Variants in TAOK3 observed in about 807,000 individuals in gnomAD.
TAOK3 encodes the protein TAO kinase 3, also known as serine/threonine-protein kinase TAO3.
TAOK3 carries 40 observed loss-of-function variants against 120.4 expected under a neutral mutation model. The observed-to-expected ratio is 0.33, with a 90% CI of 0.26 to 0.43. The LOEUF (loss-of-function observed/expected upper bound fraction) is 0.43. TAOK3 is among the 20% of genes least tolerant of loss of function. The pLI is 1.00. For missense variants in TAOK3, 821 were observed against 1,112.1 expected (o/e 0.74, Z 3.72); for synonymous variants, 355 against 387.5 (o/e 0.92, Z 0.99).
At chr12:118,292,156 T>C (rs2042509691) in intron 1 of TAOK3, among the ~76,000 whole-genome samples, 1 of 152,204 alleles carries the variant, frequency 6.6e-6, no homozygotes, top group South Asian at 2.1e-4. Flanking sequence ...TCCCCGTGGA[T>C]AGTCATAATA....
At position 118,318,461 on chromosome 12, in the gene TAOK3, T is replaced by C. The variant is rs976484825; in HGVS notation, c.-193-51702A>G. ...GTGAGCCGCTGCGCCTGGCCACAACTCTTAAATATAGGGACAAATCTGCAT... is the reference window on the plus strand; with the variant it reads ...GTGAGCCGCTGCGCCTGGCCACAACCCTTAAATATAGGGACAAATCTGCAT... On this transcript the variant is annotated intron_variant, in intron 1 of 20. Coordinates refer to ENST00000392533, the MANE Select transcript of TAOK3 (RefSeq NM_016281.4). Among the ~76,000 whole-genome samples the C allele has an allele frequency of 6.8e-4, 104 of 152,280 alleles. 1 individual carries two copies. Among genetic ancestry groups the C allele is most frequent in the Non-Finnish European group, 1.2e-3 (82 of 68,012 alleles).
chr12:118,207,227 G>A (rs61945177), intron 11 of TAOK3, among the ~76,000 whole-genome samples: 15,226 of 151,458 alleles, frequency 0.1, 975 homozygotes, highest in Middle Eastern at 0.15. Context: ...TAGGGAGGGC[G>A]AGGCAGGAGA....
At chr12:118,291,487 T>C (rs537233027) in intron 1 of TAOK3, among the ~76,000 whole-genome samples, 80 of 152,222 alleles carry the variant, frequency 5.3e-4, no homozygotes, top group South Asian at 3.5e-3. Flanking sequence ...AAAGGAATTA[T>C]AGTAAATGTT....
rs113477587 is a variant in TAOK3 at position 118,162,604 on chromosome 12, C to T, written c.1900-577G>A. 6.9e-3 allele frequency among the ~76,000 whole-genome samples: 1,056 copies of T among 152,054 alleles called. 8 individuals are homozygous for T. The highest frequency in any genetic ancestry group is 0.024 in the African/African-American group (983 of 41,466). On this transcript the variant is annotated intron_variant, in intron 17 of 20. Transcript: ENST00000392533. ...CTTTCTGGGAAATACTCTGTTTTTGCATGAATCAGAGGTAGGCCAATTGTC... is the reference window on the plus strand; with the variant it reads ...CTTTCTGGGAAATACTCTGTTTTTGTATGAATCAGAGGTAGGCCAATTGTC...
chr12:118,372,893 C>G lies in TAOK3; in HGVS notation c.-439G>C, dbSNP rs898234452. The G allele has an allele frequency of 3.9e-5, 6 of 154,420 alleles. No homozygotes were observed. Among genetic ancestry groups the G allele is most frequent in the Non-Finnish European group, 8.6e-5 (6 of 69,666 alleles). The allele number at this position is 154,420 out of a possible 1,614,324, so 9.6% of individuals were successfully genotyped here. A position where few individuals can be genotyped will look rare whatever the true frequency, so the allele number is the denominator to read the frequency against. ...CGCGGCCGCCGCCGCTGCTGCTGTC[C>G]GAGGTGCGGCTCCTGCCAGGGGTGG... On this transcript the variant is annotated 5_prime_UTR_variant, in exon 1 of 21. Transcript: ENST00000392533. The surrounding 1 kb of genome is among the most constrained non-coding windows in gnomAD (Gnocchi z 4.6).
intron 17 of TAOK3, among the ~76,000 whole-genome samples, chr12:118,167,615 C>T (rs2035684508): frequency 6.6e-6 from 1 of 150,750 alleles, no homozygotes; most frequent in Non-Finnish European, 1.5e-5. Context: ...GAGTGGACAT[C>T]TGTTACTTTT....
intron 17 of TAOK3, among the ~76,000 whole-genome samples, chr12:118,166,470 G>A (rs886627754): frequency 2.0e-5 from 3 of 151,724 alleles, no homozygotes; most frequent in African/African-American, 4.8e-5. Context: ...CTCGGGAGGC[G>A]GAGGTTGCAG....
chr12:118,311,334 A>T (rs2043253828), intron 1 of TAOK3, among the ~76,000 whole-genome samples: 1 of 152,088 alleles, frequency 6.6e-6, no homozygotes, highest in South Asian at 2.1e-4. Context: ...GGTAGTGGGC[A>T]CCTGTAATCC....
intron 1 of TAOK3, among the ~76,000 whole-genome samples, chr12:118,290,893 CTT>C (rs757019424): frequency 4.3e-5 from 6 of 138,756 alleles, no homozygotes; most frequent in Admixed American, 7.1e-5. Context: ...AGGGCGTTTA[CTT>C]TTTTTTTTTT....
At chr12:118,227,120 G>A (rs1367088291) in intron 9 of TAOK3, among the ~76,000 whole-genome samples, 2 of 151,652 alleles carry the variant, frequency 1.3e-5, no homozygotes, top group African/African-American at 4.8e-5. Flanking sequence ...AAAATGGGTA[G>A]GCACTAACAG....
intron 1 of TAOK3, among the ~76,000 whole-genome samples, chr12:118,325,022 A>C (rs2043879008): frequency 6.6e-6 from 1 of 152,258 alleles, no homozygotes; most frequent in South Asian, 2.1e-4. Context: ...CTGGGATTAC[A>C]GGCGTGAGCC....
chr12:118,226,762 A>G (rs544846481), intron 9 of TAOK3, among the ~76,000 whole-genome samples: 74 of 152,304 alleles, frequency 4.9e-4, no homozygotes, highest in Non-Finnish European at 8.7e-4. Context: ...ATAAAATGCA[A>G]TCAAAGGCTG....
At chr12:118,259,619 A>G (rs2041139009) in intron 2 of TAOK3, among the ~76,000 whole-genome samples, 1 of 152,200 alleles carries the variant, frequency 6.6e-6, no homozygotes, top group Non-Finnish European at 1.5e-5. Flanking sequence ...CAGGCAAAGA[A>G]AGACAATGAT....
intron 16 of TAOK3, among the ~76,000 whole-genome samples, chr12:118,173,288 A>C (rs1174573173): frequency 1.3e-5 from 2 of 152,192 alleles, no homozygotes; most frequent in African/African-American, 4.8e-5. Flanking sequence ...ACGTAATATG[A>C]GATAAGTCTG....
chr12:118,165,742 A>G (rs2035539217), intron 17 of TAOK3, among the ~76,000 whole-genome samples: 1 of 152,236 alleles, frequency 6.6e-6, no homozygotes, highest in Non-Finnish European at 1.5e-5. Context: ...ATAAAATGAA[A>G]GACCATAAGA....
chr12:118,247,745 C>T (rs763582636), intron 3 of TAOK3, among the ~76,000 whole-genome samples: 25 of 152,226 alleles, frequency 1.6e-4, no homozygotes, highest in Non-Finnish European at 3.5e-4. Context: ...GAACTCCTGG[C>T]CTCAAGTAAT....
intron 17 of TAOK3, among the ~76,000 whole-genome samples, chr12:118,170,040 T>C (rs2035903367): frequency 6.6e-6 from 1 of 152,170 alleles, no homozygotes. Context: ...TCTTAGTATA[T>C]GTCAAGTCCT....
chr12:118,248,334 G>T (rs2040607665), intron 3 of TAOK3, among the ~76,000 whole-genome samples: 1 of 151,692 alleles, frequency 6.6e-6, no homozygotes, highest in African/African-American at 2.4e-5. Context: ...CTCCACAAAA[G>T]CATATTTTAG....
chr12:118,266,685 T>C lies in TAOK3; in HGVS notation c.-119A>G. The C allele has an allele frequency of 2.5e-6, 1 of 398,108 alleles. No homozygotes were observed. Among genetic ancestry groups the C allele is most frequent in the Non-Finnish European group, 4.4e-6 (1 of 225,808 alleles). 24.7% of individuals were successfully genotyped at this position (398,108 alleles called of 1,614,324 possible). Reference sequence around the variant, plus strand: ...TGTGTGTGGCACAAAATATTCCATATTGCTCAGATTCATTTTAGCAGCAAA... The same window carrying C: ...TGTGTGTGGCACAAAATATTCCATACTGCTCAGATTCATTTTAGCAGCAAA... On this transcript the variant is annotated 5_prime_UTR_variant, in exon 2 of 21. Coordinates refer to ENST00000392533, the MANE Select transcript of TAOK3 (RefSeq NM_016281.4).
Sources: allele counts gnomAD v4.1 joint callset (sites outside exome capture counted in the v4.1 genomes callset), GRCh38; gene constraint gnomAD v4.1.1; non-coding constraint Gnocchi (gnomAD v3.1); transcripts MANE v1.5; gene names NCBI Gene and HGNC (gene_info 2026-07-23, HGNC 2026-07-21).